PRKAG2: variants seen among roughly 807,000 people sequenced by gnomAD.
PRKAG2 encodes the protein 5'-AMP-activated protein kinase subunit gamma-2.
A neutral mutation model predicts 69.6 loss-of-function variants in PRKAG2; 26 were observed. The ratio of observed to expected loss-of-function variants is 0.37; its 90% CI spans 0.27 to 0.52. PRKAG2 has a LOEUF of 0.52. Ranked by LOEUF, PRKAG2 falls within the 20% of genes least tolerant of loss-of-function variation. The pLI, the probability that PRKAG2 is intolerant of heterozygous loss-of-function variation, is 0.90. For synonymous variants in PRKAG2, 293 were observed against 285.0 expected (o/e 1.03, Z -0.28); for missense variants, 557 against 740.0 (o/e 0.75, Z 2.87).
At chr7:151,862,740 C>T (rs905163199) in intron 1 of PRKAG2, among the ~76,000 whole-genome samples, 8 of 152,332 alleles carry the variant, frequency 5.3e-5, no homozygotes, top group South Asian at 2.1e-4. Flanking sequence ...GTGTGGCTCC[C>T]GGATCCCCAG....
chr7:151,642,038 A>G (rs1826800620), intron 4 of PRKAG2, among the ~76,000 whole-genome samples: 1 of 150,118 alleles, frequency 6.7e-6, no homozygotes, highest in African/African-American at 2.4e-5. Context: ...TAAAAAAAAA[A>G]AAAAAAAAAA....
intron 3 of PRKAG2, among the ~76,000 whole-genome samples, chr7:151,676,701 G>A (rs887001599): frequency 2.6e-5 from 4 of 152,162 alleles, no homozygotes; most frequent in Non-Finnish European, 4.4e-5. Context: ...AATAAATCAT[G>A]GCACAGTGCA....
intron 3 of PRKAG2, among the ~76,000 whole-genome samples, chr7:151,736,614 C>T (rs1045231493): frequency 7.0e-4 from 106 of 152,288 alleles, no homozygotes; most frequent in African/African-American, 2.5e-3. Flanking sequence ...CAGGGCCCCA[C>T]GGGGTCAGAA....
At chr7:151,696,903 G>A (rs895973195) in intron 3 of PRKAG2, among the ~76,000 whole-genome samples, 2 of 152,076 alleles carry the variant, frequency 1.3e-5, no homozygotes, top group African/African-American at 4.8e-5. Context: ...CAGACAGAAG[G>A]CCGCTCCTTA....
chr7:151,623,567 T>C (rs1250186030), intron 5 of PRKAG2, among the ~76,000 whole-genome samples: 1 of 152,108 alleles, frequency 6.6e-6, no homozygotes, highest in African/African-American at 2.4e-5. Flanking sequence ...TAGTGGTCTG[T>C]GGCTAGGGGG....
At chr7:151,873,727 A>G (rs1395446285) in intron 1 of PRKAG2, among the ~76,000 whole-genome samples, 1 of 152,194 alleles carries the variant, frequency 6.6e-6, no homozygotes, top group East Asian at 1.9e-4. Flanking sequence ...GACCCCAACT[A>G]TAACATGGTT....
At position 151,746,822 on chromosome 7, in the gene PRKAG2, T is replaced by C. The variant is rs549281908; in HGVS notation, c.466+34330A>G. On this transcript the variant is annotated intron_variant, in intron 3 of 15. Coordinates refer to ENST00000287878, the MANE Select transcript of PRKAG2 (RefSeq NM_016203.4). The stretch of plus-strand genomic sequence containing the variant: ...GGCCAGGCAGCGCTTGGACTTGCAA[T>C]AGGAGCTCCACACCTTGGCAGAACC... 2.6e-5 allele frequency among the ~76,000 whole-genome samples: 4 copies of C among 152,196 alleles called. No homozygotes were observed. In the East Asian group the frequency reaches 7.7e-4, roughly 29 times the overall value.
At chr7:151,688,181 G>A (rs1835067239) in intron 3 of PRKAG2, among the ~76,000 whole-genome samples, 1 of 152,194 alleles carries the variant, frequency 6.6e-6, no homozygotes, top group Non-Finnish European at 1.5e-5. Flanking sequence ...CCAGTGAGCA[G>A]GGGAAAGGCT....
chr7:151,839,302 T>C (rs2079221503), intron 1 of PRKAG2, among the ~76,000 whole-genome samples: 1 of 152,236 alleles, frequency 6.6e-6, no homozygotes, highest in Admixed American at 6.5e-5. Flanking sequence ...AGTCAAGTGA[T>C]GCTGGGGCAA....
chr7:151,747,497 T>C (rs1563581525), intron 3 of PRKAG2, among the ~76,000 whole-genome samples: 1 of 151,954 alleles, frequency 6.6e-6, no homozygotes, highest in South Asian at 2.1e-4. Flanking sequence ...GCGGGGTTTG[T>C]AGTGAGCCGA....
intron 5 of PRKAG2, among the ~76,000 whole-genome samples, chr7:151,630,275 T>A (rs1585351857): frequency 1.3e-5 from 2 of 152,202 alleles, no homozygotes; most frequent in East Asian, 3.9e-4. Context: ...CATAATTAAA[T>A]TAATAAATCT....
intron 3 of PRKAG2, among the ~76,000 whole-genome samples, chr7:151,702,820 G>A (rs536391301): frequency 6.9e-4 from 105 of 152,316 alleles, no homozygotes; most frequent in Middle Eastern, 3.4e-3. Context: ...CAAGGAGGGC[G>A]AGGACCAGAG....
intron 1 of PRKAG2, among the ~76,000 whole-genome samples, chr7:151,862,878 G>C (rs561584856): frequency 1.3e-5 from 2 of 151,018 alleles, no homozygotes; most frequent in South Asian, 2.1e-4. Context: ...GCACTGGTAG[G>C]TCTCTGGGTG....
chr7:151,769,911 C>A (rs192579391), intron 3 of PRKAG2, among the ~76,000 whole-genome samples: 1 of 152,182 alleles, frequency 6.6e-6, no homozygotes, highest in Non-Finnish European at 1.5e-5. Context: ...AATTCAGTAC[C>A]TTTTGAGAAA....
At position 151,836,697 on chromosome 7, in the gene PRKAG2, G is replaced by A. The variant is rs2079154265; in HGVS notation, c.114+39810C>T. Among the ~76,000 whole-genome samples the A allele has an allele frequency of 6.6e-6, 1 of 152,204 alleles. No homozygotes were observed. Among genetic ancestry groups the A allele is most frequent in the Non-Finnish European group, 1.5e-5 (1 of 68,040 alleles). ...GGAGGGCGTGTATGCGGGTCCTCCA[G>A]GGTCCTCAGGCCACAGCTCCTGGGC... On this transcript the variant is annotated intron_variant, in intron 1 of 15. Coordinates refer to ENST00000287878, the MANE Select transcript of PRKAG2 (RefSeq NM_016203.4). This position sits in a 1 kb window ranked among gnomAD's most constrained non-coding sequence, Gnocchi z 4.1.
chr7:151,814,929 A>G lies in PRKAG2; in HGVS notation c.115-28388T>C. 1 of 1,190,884 alleles carries G rather than the reference A, an allele frequency of 8.4e-7. No individual in the cohort carries two copies. The highest frequency in any genetic ancestry group is 1.1e-6 in the Non-Finnish European group (1 of 951,314). 73.8% of individuals were successfully genotyped at this position (1,190,884 alleles called of 1,614,324 possible). On this transcript the variant is annotated intron_variant, in intron 1 of 15. Coordinates refer to ENST00000287878, the MANE Select transcript of PRKAG2 (RefSeq NM_016203.4). This position sits in a 1 kb window ranked among gnomAD's most constrained non-coding sequence, Gnocchi z 4.8. ...GCTGGACCGGAGCTTTTAAAAAGACAGGCAGCAGGATGGAGGGAGGCAGGA... is the reference window on the plus strand; with the variant it reads ...GCTGGACCGGAGCTTTTAAAAAGACGGGCAGCAGGATGGAGGGAGGCAGGA...
At chr7:151,559,930 C>T (rs901540831) in intron 15 of PRKAG2, 2 of 985,220 alleles carry the variant, frequency 2.0e-6, no homozygotes, top group Admixed American at 1.2e-4. Context: ...GAGAGGAAGG[C>T]CAGCTCCTCT....
At chr7:151,661,403 C>A (rs1563367615) in intron 4 of PRKAG2, among the ~76,000 whole-genome samples, 1 of 152,092 alleles carries the variant, frequency 6.6e-6, no homozygotes, top group Non-Finnish European at 1.5e-5. Flanking sequence ...GTCTTGAACT[C>A]CTGACCTCAT....
chr7:151,822,392 C>T (rs532133154), intron 1 of PRKAG2, among the ~76,000 whole-genome samples: 5 of 152,114 alleles, frequency 3.3e-5, no homozygotes, highest in South Asian at 4.1e-4. Context: ...CAACTGACCA[C>T]GATGTACCCA....
Sources: allele counts gnomAD v4.1 joint callset (sites outside exome capture counted in the v4.1 genomes callset), GRCh38; gene constraint gnomAD v4.1.1; non-coding constraint Gnocchi (gnomAD v3.1); transcripts MANE v1.5; gene names NCBI Gene and HGNC (gene_info 2026-07-23, HGNC 2026-07-21).